The following TMPRSS15 variants were observed in gnomAD, a reference collection of about 807,000 sequenced individuals.
The protein encoded by TMPRSS15 is transmembrane serine protease 15.
In TMPRSS15, 128 loss-of-function variants were observed where a neutral mutation model predicts 125.3. The observed-to-expected ratio is 1.02, with a 90% CI of 0.89 to 1.18. The LOEUF (loss-of-function observed/expected upper bound fraction) is 1.18, where lower values mean the gene tolerates loss of function less well. TMPRSS15 is among the 50% of genes most tolerant of loss of function. The pLI is 0.00. For missense variants in TMPRSS15, 1,283 were observed against 1,212.7 expected (o/e 1.06, Z -0.86); for synonymous variants, 446 against 423.2 (o/e 1.05, Z -0.66).
intron 1 of TMPRSS15, among the ~76,000 whole-genome samples, chr21:18,470,654 TTTG>T (rs755075520): frequency 2.0e-5 from 3 of 152,228 alleles, no homozygotes; most frequent in Non-Finnish European, 4.4e-5. Context: ...TTTATTCTCC[TTTG>T]TTGTTTTCTT....
chr21:18,471,769 G>A (rs1473465417), intron 1 of TMPRSS15, among the ~76,000 whole-genome samples: 1 of 152,074 alleles, frequency 6.6e-6, no homozygotes, highest in African/African-American at 2.4e-5. Flanking sequence ...GTCTGCTCCT[G>A]TAGATCTTTG....
At chr21:18,316,502 CA>C (rs145911151) in intron 16 of TMPRSS15, among the ~76,000 whole-genome samples, 20,192 of 152,038 alleles carry the variant, frequency 0.13, 1,464 homozygotes, top group African/African-American at 0.15. Context: ...AGGGTAGTTA[CA>C]AAGAAATGGA....
chr21:18,409,035 A>C (rs182917440), intron 1 of TMPRSS15, among the ~76,000 whole-genome samples: 2 of 152,258 alleles, frequency 1.3e-5, no homozygotes, highest in African/African-American at 4.8e-5. Context: ...TCCATATTCC[A>C]TGAGTTCATT....
intron 16 of TMPRSS15, among the ~76,000 whole-genome samples, chr21:18,318,235 A>G (rs977361080): frequency 5.3e-5 from 8 of 152,100 alleles, no homozygotes; most frequent in Non-Finnish European, 1.5e-5. Context: ...GGGATTAGGG[A>G]TTCGGAGCTG....
At chr21:18,325,945 C>T (rs761739648) in intron 16 of TMPRSS15, among the ~76,000 whole-genome samples, 14 of 151,970 alleles carry the variant, frequency 9.2e-5, no homozygotes, top group Admixed American at 2.0e-4. Flanking sequence ...GGGTTGGGCA[C>T]GTCAGCAAAT....
intron 1 of TMPRSS15, among the ~76,000 whole-genome samples, chr21:18,441,360 A>G (rs2076241047): frequency 6.6e-6 from 1 of 151,950 alleles, no homozygotes; most frequent in African/African-American, 2.4e-5. Flanking sequence ...TAATCCCAGC[A>G]CTTTGGGAGG....
At chr21:18,274,176 C>T (rs10084618) in intron 24 of TMPRSS15, among the ~76,000 whole-genome samples, 43,718 of 151,966 alleles carry the variant, frequency 0.29, 8,926 homozygotes, top group African/African-American at 0.58. Flanking sequence ...ATTTACTAAG[C>T]TTCATAATAA....
intron 4 of TMPRSS15, among the ~76,000 whole-genome samples, chr21:18,381,414 CTA>C (rs1356200280): frequency 3.3e-5 from 5 of 152,040 alleles, no homozygotes; most frequent in African/African-American, 1.2e-4. Flanking sequence ...TTCAAGATAT[CTA>C]TGTAATTCTT....
At chr21:18,290,215 GT>G (rs1312345804) in intron 21 of TMPRSS15, among the ~76,000 whole-genome samples, 1 of 152,142 alleles carries the variant, frequency 6.6e-6, no homozygotes, top group Non-Finnish European at 1.5e-5. Context: ...TGGAGTCATT[GT>G]TTTGAGTATA....
intron 18 of TMPRSS15, among the ~76,000 whole-genome samples, chr21:18,299,551 A>T (rs2074942420): frequency 2.0e-5 from 3 of 152,232 alleles, no homozygotes; most frequent in Non-Finnish European, 2.9e-5. Flanking sequence ...ATTCGTGAAC[A>T]TCACTGCTGC....
At chr21:18,429,169 A>G (rs1055323185) in intron 1 of TMPRSS15, among the ~76,000 whole-genome samples, 2 of 152,044 alleles carry the variant, frequency 1.3e-5, no homozygotes, top group Admixed American at 6.6e-5. Flanking sequence ...GTTTTGGCCA[A>G]TTTCTCCCAT....
intron 18 of TMPRSS15, among the ~76,000 whole-genome samples, chr21:18,298,803 A>G (rs1251003623): frequency 3.9e-5 from 6 of 152,240 alleles, no homozygotes; most frequent in Admixed American, 6.5e-5. Flanking sequence ...AGAAGCCCCA[A>G]TGTCTTCCCC....
chr21:18,332,235 C>T, intron 13 of TMPRSS15, 62 bp from the exon 14 acceptor site: 1 of 1,387,652 alleles, frequency 7.2e-7, no homozygotes, highest in Non-Finnish European at 1.0e-6. Context: ...GAGATAATAC[C>T]ATATGCCAGC....
chr21:18,292,767 G>A (rs1266102557), intron 21 of TMPRSS15, among the ~76,000 whole-genome samples: 4 of 152,144 alleles, frequency 2.6e-5, no homozygotes, highest in East Asian at 1.9e-4. Flanking sequence ...CAGATGTTAT[G>A]CTATCCGTGA....
chr21:18,431,236 T>C (rs895145269), intron 1 of TMPRSS15, among the ~76,000 whole-genome samples: 2 of 152,166 alleles, frequency 1.3e-5, no homozygotes, highest in African/African-American at 4.8e-5. Context: ...CCCAAGGATG[T>C]TATTGCTTTT....
At chr21:18,455,753 G>C (rs888555696) in intron 1 of TMPRSS15, among the ~76,000 whole-genome samples, 11 of 152,118 alleles carry the variant, frequency 7.2e-5, no homozygotes, top group Non-Finnish European at 1.5e-4. Flanking sequence ...CAGTGAGTTT[G>C]GGGGAAATAT....
chr21:18,287,497 G>A (rs1473447448), intron 21 of TMPRSS15, among the ~76,000 whole-genome samples: 1 of 152,064 alleles, frequency 6.6e-6, no homozygotes, highest in South Asian at 2.1e-4. Flanking sequence ...AAGAAAAAAG[G>A]TGGCTCAACA....
At chr21:18,329,511 A>G (rs913223485) in intron 14 of TMPRSS15, among the ~76,000 whole-genome samples, 5 of 151,546 alleles carry the variant, frequency 3.3e-5, no homozygotes, top group Admixed American at 3.3e-4. Context: ...GTAACATTTC[A>G]ATTAAATTTG....
At chr21:18,332,007 T>C in intron 14 of TMPRSS15, 77 bp downstream of exon 14, 1 of 1,285,192 alleles carries the variant, frequency 7.8e-7, no homozygotes, top group Non-Finnish European at 1.1e-6. Context: ...ATTTATAATC[T>C]ACTTTGCTGC....
Sources: allele counts gnomAD v4.1 joint callset (sites outside exome capture counted in the v4.1 genomes callset), GRCh38; gene constraint gnomAD v4.1.1; transcripts MANE v1.5; gene names NCBI Gene and HGNC (gene_info 2026-07-23, HGNC 2026-07-21).